SH3BGRL2: variants seen among roughly 807,000 people sequenced by gnomAD.
The protein encoded by SH3BGRL2 is SH3 domain binding glutamate rich protein like 2.
In SH3BGRL2, 21 loss-of-function variants were observed where a neutral mutation model predicts 14.8. The observed-to-expected ratio is 1.42, with a 90% CI of 1.01 to 2.05. SH3BGRL2 has a LOEUF of 2.05. SH3BGRL2 is among the 30% of genes most tolerant of loss of function. SH3BGRL2 has a pLI of 0.00. For synonymous variants in SH3BGRL2, 50 were observed against 47.8 expected (o/e 1.05, Z -0.19); for missense variants, 147 against 130.8 (o/e 1.12, Z -0.61).
chr6:79,578,507 GC>G, the SH3BGRL2 span, among the ~76,000 whole-genome samples: 2 of 152,190 alleles, frequency 1.3e-5, no homozygotes, highest in Non-Finnish European at 2.9e-5. Context: ...CAGGAAAACA[GC>G]ATCCAGAGTG....
At chr6:79,648,833 C>T (rs1769221611) in intron 1 of SH3BGRL2, among the ~76,000 whole-genome samples, 1 of 152,052 alleles carries the variant, frequency 6.6e-6, no homozygotes, top group South Asian at 2.1e-4. Flanking sequence ...CTTTGGAAAA[C>T]ATAAAGGCTG....
chr6:79,558,912 CAGG>C, the SH3BGRL2 span, among the ~76,000 whole-genome samples: 1 of 151,836 alleles, frequency 6.6e-6, no homozygotes, highest in Admixed American at 6.6e-5. Flanking sequence ...TAAAAGGAAG[CAGG>C]AGGAGGAGAA....
chr6:79,576,740 GCT>G, the SH3BGRL2 span, among the ~76,000 whole-genome samples: 11 of 152,208 alleles, frequency 7.2e-5, no homozygotes, highest in African/African-American at 2.4e-4. Flanking sequence ...CCACAATTAA[GCT>G]CGATAACATT....
At chr6:79,555,877 A>G in the SH3BGRL2 span, among the ~76,000 whole-genome samples, 1 of 152,384 alleles carries the variant, frequency 6.6e-6, no homozygotes, top group Middle Eastern at 3.4e-3. Context: ...TATTAAAATA[A>G]TATAGTGCTA....
At chr6:79,571,059 C>T in the SH3BGRL2 span, among the ~76,000 whole-genome samples, 1 of 152,102 alleles carries the variant, frequency 6.6e-6, no homozygotes, top group Non-Finnish European at 1.5e-5. Context: ...GTTGTTTCTC[C>T]AGCATAGGAA....
the SH3BGRL2 span, among the ~76,000 whole-genome samples, chr6:79,614,607 GC>G: frequency 6.6e-6 from 1 of 152,130 alleles, no homozygotes; most frequent in Non-Finnish European, 1.5e-5. Flanking sequence ...TCATTAGACT[GC>G]CCCGATGTGG....
the SH3BGRL2 span, among the ~76,000 whole-genome samples, chr6:79,602,373 CAAG>C: frequency 6.6e-6 from 1 of 152,224 alleles, no homozygotes; most frequent in African/African-American, 2.4e-5. Context: ...ATTCTAAAAA[CAAG>C]AGATAAAATG....
Position 79,666,635 on chromosome 6 carries a change from G to A in SH3BGRL2, c.46-6979G>A, listed in dbSNP as rs573097447. Among the ~76,000 whole-genome samples, 4 of 152,196 alleles carry A rather than the reference G, an allele frequency of 2.6e-5. No individual in the cohort carries two copies. The South Asian group carries it at 8.3e-4, about 32-fold the overall frequency. On this transcript the variant is annotated intron_variant, in intron 1 of 3. Coordinates refer to ENST00000369838, the MANE Select transcript of SH3BGRL2 (RefSeq NM_031469.4). ...GCCTCAGCCCTTTCCTCCCTTGTTA[G>A]TTGAAAGGAAGAATCAACTTAGGGC...
At position 79,679,352 on chromosome 6, in the gene SH3BGRL2, C is replaced by G. The variant is rs976295970; in HGVS notation, c.231+5553C>G. Among the ~76,000 whole-genome samples, 10 of 150,662 alleles carry G rather than the reference C, an allele frequency of 6.6e-5. No individual in the cohort carries two copies. In the East Asian group the frequency reaches 2.0e-3, roughly 29 times the overall value. On this transcript the variant is annotated intron_variant, in intron 2 of 3. Transcript: ENST00000369838. ...CATTGTGGTTTTGATTTGCATTTCT[C>G]TGATGATTAGTAATGATGAACATTT...
chr6:79,576,219 C>T, the SH3BGRL2 span, among the ~76,000 whole-genome samples: 1 of 152,090 alleles, frequency 6.6e-6, no homozygotes, highest in East Asian at 1.9e-4. Context: ...TATGACATCT[C>T]TTTGTTTAGG....
chr6:79,698,594 G>A (rs1325376630), intron 3 of SH3BGRL2, among the ~76,000 whole-genome samples: 1 of 152,168 alleles, frequency 6.6e-6, no homozygotes, highest in Non-Finnish European at 1.5e-5. Context: ...TGTAGGCTCT[G>A]ACTGGGCTGC....
chr6:79,590,693 G>A, the SH3BGRL2 span, among the ~76,000 whole-genome samples: 11 of 151,724 alleles, frequency 7.3e-5, no homozygotes, highest in African/African-American at 2.2e-4. Flanking sequence ...AGAGGGATGT[G>A]GAATGTGGGG....
chr6:79,627,437 A>T (rs1433366442), upstream of SH3BGRL2, among the ~76,000 whole-genome samples: 3 of 152,178 alleles, frequency 2.0e-5, no homozygotes, highest in Non-Finnish European at 4.4e-5. Flanking sequence ...TAACTTAAAT[A>T]ATATCCTAAA....
intron 2 of SH3BGRL2, among the ~76,000 whole-genome samples, chr6:79,693,753 G>T (rs925113697): frequency 2.6e-5 from 4 of 152,064 alleles, no homozygotes; most frequent in African/African-American, 9.7e-5. Flanking sequence ...TGCTGGATTC[G>T]GTTTATCAAA....
At chr6:79,696,995 C>T (rs993087248) in intron 3 of SH3BGRL2, among the ~76,000 whole-genome samples, 2 of 151,932 alleles carry the variant, frequency 1.3e-5, no homozygotes, top group African/African-American at 2.4e-5. Context: ...TGAAAAAAAT[C>T]TTCAATTCTT....
At position 79,699,530 on chromosome 6, in the gene SH3BGRL2, C is replaced by T. The variant is rs1209816086; in HGVS notation, c.*21C>T. On this transcript the variant is annotated 3_prime_UTR_variant, in exon 4 of 4. Coordinates refer to ENST00000369838, the MANE Select transcript of SH3BGRL2 (RefSeq NM_031469.4). The stretch of plus-strand genomic sequence containing the variant: ...CTTAGAGAAGAAGAGTGGAAGATGA[C>T]GGAGATGCATTTTGAAGCACCCCTG... 15 of 1,360,546 alleles carry T rather than the reference C, an allele frequency of 1.1e-5. No homozygotes were observed. Among genetic ancestry groups the T allele is most frequent in the Middle Eastern group, 4.2e-4 (2 of 4,718 alleles). The allele number at this position is 1,360,546 out of a possible 1,614,324, so 84.3% of individuals were successfully genotyped here.
the SH3BGRL2 span, among the ~76,000 whole-genome samples, chr6:79,613,160 A>G: frequency 6.6e-6 from 1 of 152,228 alleles, no homozygotes; most frequent in South Asian, 2.1e-4. Context: ...ATCACAGCTG[A>G]TAAACGATTT....
At chr6:79,590,344 C>A in the SH3BGRL2 span, among the ~76,000 whole-genome samples, 1 of 148,336 alleles carries the variant, frequency 6.7e-6, no homozygotes, top group East Asian at 2.0e-4. Context: ...CTTATATGTT[C>A]ATTGCAGCAC....
intron 1 of SH3BGRL2, among the ~76,000 whole-genome samples, chr6:79,649,442 C>T (rs957520350): frequency 2.6e-5 from 4 of 152,120 alleles, no homozygotes; most frequent in African/African-American, 9.7e-5. Context: ...TTGTGTTTGG[C>T]AGGGTGAGCT....
Sources: gnomAD v4.1 joint callset for allele counts (sites outside exome capture counted in the v4.1 genomes callset) on GRCh38, gnomAD v4.1.1 for gene constraint, MANE v1.5 for transcripts, NCBI Gene and HGNC (gene_info 2026-07-23, HGNC 2026-07-21) for gene names.